CFAP299: variants seen among roughly 807,000 people sequenced by gnomAD.
CFAP299 encodes cilia- and flagella-associated protein 299.
In CFAP299, 21 loss-of-function variants were observed where a neutral mutation model predicts 27.0. The ratio of observed to expected loss-of-function variants is 0.78; its 90% confidence interval spans 0.55 to 1.12. The LOEUF (loss-of-function observed/expected upper bound fraction) is 1.12. Ranked by LOEUF, CFAP299 falls within the 50% of genes most tolerant of loss-of-function variation. The pLI, the probability that CFAP299 is intolerant of heterozygous loss-of-function variation, is 0.00. For synonymous variants in CFAP299, 104 were observed against 98.1 expected, an observed-to-expected ratio of 1.06 and a Z score of -0.36; for missense variants, 310 against 276.6, an observed-to-expected ratio of 1.12 and a Z score of -0.86.
rs1728203088 is a variant in CFAP299, at chr4:80,799,678, T to TTTTATATATTATATA, written c.334-70313_334-70312insTATATATTATATATT. Among the ~76,000 whole-genome samples, 80 of 25,324 alleles carry TTTTATATATTATATA rather than the reference T, an allele frequency of 3.2e-3. 12 individuals carry two copies. The highest frequency in any genetic ancestry group is 6.5e-3 in the East Asian group (2 of 308). The allele number at this position is 25,324 out of a possible 152,430, so 16.6% of individuals were successfully genotyped here. A position where few individuals can be genotyped will look rare whatever the true frequency, so the allele number is the denominator to read the frequency against. ...ATATATTATATTTTATAAATATATA[T>TTTTATATATTATATA]TTATAAATATATAATATATAAAATA... On this transcript the variant is annotated intron_variant, in intron 3 of 5. Transcript: ENST00000358105.
chr4:80,871,439 G>T, intron 4 of CFAP299: 2 of 985,378 alleles, frequency 2.0e-6, no homozygotes, highest in Non-Finnish European at 2.4e-6. Flanking sequence ...ACTGTGGATT[G>T]CTGTGCTAAT....
At chr4:80,693,215 A>T (rs1050648610) in intron 3 of CFAP299, among the ~76,000 whole-genome samples, 1 of 152,178 alleles carries the variant, frequency 6.6e-6, no homozygotes, top group African/African-American at 2.4e-5. Context: ...CCAAAGGACT[A>T]TAAATCATGC....
At chr4:80,451,066 CA>C (rs1190331434) in intron 2 of CFAP299, among the ~76,000 whole-genome samples, 2 of 152,054 alleles carry the variant, frequency 1.3e-5, no homozygotes, top group Non-Finnish European at 2.9e-5. Flanking sequence ...GGACTGCCAA[CA>C]AAATCTCACA....
At chr4:80,727,690 A>C (rs975466142) in intron 3 of CFAP299, among the ~76,000 whole-genome samples, 1 of 152,046 alleles carries the variant, frequency 6.6e-6, no homozygotes, top group Non-Finnish European at 1.5e-5. Flanking sequence ...AATGATATCT[A>C]TTAACTTTTG....
At chr4:80,480,074 AC>A (rs1730477260) in intron 2 of CFAP299, among the ~76,000 whole-genome samples, 1 of 151,932 alleles carries the variant, frequency 6.6e-6, no homozygotes, top group African/African-American at 2.4e-5. Flanking sequence ...TTCCTTATGT[AC>A]CAGTGCATTT....
intron 3 of CFAP299, among the ~76,000 whole-genome samples, chr4:80,614,458 C>T (rs1700185082): frequency 2.6e-5 from 4 of 152,144 alleles, no homozygotes; most frequent in Admixed American, 2.0e-4. Context: ...TAATAGGCAT[C>T]ACAAATACTG....
the CFAP299 span, among the ~76,000 whole-genome samples, chr4:80,327,026 A>G: frequency 1.9e-4 from 29 of 152,298 alleles, no homozygotes; most frequent in South Asian, 4.1e-4. Context: ...AGTAGTGATC[A>G]CTAGGCAGAC....
chr4:80,582,259 G>T (rs1235797730), intron 2 of CFAP299, among the ~76,000 whole-genome samples: 1 of 151,486 alleles, frequency 6.6e-6, no homozygotes, highest in Admixed American at 6.6e-5. Context: ...TCTGATACTC[G>T]GTCTATATCT....
intron 2 of CFAP299, among the ~76,000 whole-genome samples, chr4:80,562,693 T>TAACAAC (rs1553934468): frequency 7.8e-6 from 1 of 128,620 alleles, no homozygotes; most frequent in Non-Finnish European, 1.6e-5. Context: ...ATAATAATAA[T>TAACAAC]AACAACAACA....
chr4:80,701,405 A>G (rs1197347036), intron 3 of CFAP299, among the ~76,000 whole-genome samples: 1 of 152,066 alleles, frequency 6.6e-6, no homozygotes, highest in East Asian at 1.9e-4. Context: ...TTTTTCAAAA[A>G]TAGCTAAATG....
intron 4 of CFAP299, among the ~76,000 whole-genome samples, chr4:80,908,048 A>G (rs1390156941): frequency 6.6e-5 from 10 of 152,308 alleles, no homozygotes; most frequent in African/African-American, 2.2e-4. Context: ...CATTCTTTTC[A>G]ACCTGAGATT....
chr4:80,800,147 AT>A (rs1276390544), intron 3 of CFAP299, among the ~76,000 whole-genome samples: 2 of 60,440 alleles, frequency 3.3e-5, no homozygotes, highest in Non-Finnish European at 5.2e-5. Flanking sequence ...ATATAAATAT[AT>A]TTATATAATA....
intron 3 of CFAP299, among the ~76,000 whole-genome samples, chr4:80,846,976 C>T (rs1731218474): frequency 6.6e-6 from 1 of 152,144 alleles, no homozygotes; most frequent in Non-Finnish European, 1.5e-5. Flanking sequence ...AAGAACAATG[C>T]CCTTTAGTGA....
intron 3 of CFAP299, among the ~76,000 whole-genome samples, chr4:80,635,411 G>T (rs1013570651): frequency 1.4e-4 from 21 of 151,980 alleles, no homozygotes; most frequent in Admixed American, 7.2e-4. Flanking sequence ...CTTCCTTCTT[G>T]CTATAGCTGT....
chr4:80,706,428 T>TG (rs1228722160), intron 3 of CFAP299, among the ~76,000 whole-genome samples: 1 of 151,808 alleles, frequency 6.6e-6, no homozygotes, highest in African/African-American at 2.4e-5. Context: ...AATGGTTTTT[T>TG]GGGGGGTAAA....
intron 3 of CFAP299, among the ~76,000 whole-genome samples, chr4:80,783,419 A>T (rs1014476933): frequency 1.3e-5 from 2 of 152,170 alleles, no homozygotes; most frequent in Admixed American, 6.6e-5. Context: ...GAGAAAATTA[A>T]GGCTTAGAAT....
In CFAP299 at chr4:80,730,278, GTA is replaced by G. The variant is rs57000466; in HGVS notation, c.334-139713_334-139712del. Among the ~76,000 whole-genome samples, 549 of 144,890 alleles carry G rather than the reference GTA, an allele frequency of 3.8e-3. 3 individuals are homozygous for G. The highest frequency in any genetic ancestry group is 9.7e-3 in the Admixed American group (142 of 14,672). On this transcript the variant is annotated intron_variant, in intron 3 of 5. Transcript: ENST00000358105. ...TGTGTGTGTGTGTGTGTGTGTGTGT[GTA>G]TGTGTGTGTGTGTGTGTGTATGACC...
chr4:80,350,200 G>A (rs919707271), intron 1 of CFAP299, among the ~76,000 whole-genome samples: 6 of 151,950 alleles, frequency 3.9e-5, no homozygotes, highest in African/African-American at 1.5e-4. Context: ...TATTTTAAAC[G>A]GTAATAGCTA....
chr4:80,499,372 G>A (rs1017889779), intron 2 of CFAP299, among the ~76,000 whole-genome samples: 1 of 151,816 alleles, frequency 6.6e-6, no homozygotes, highest in African/African-American at 2.4e-5. Context: ...TTTTTTATTG[G>A]GTACTTTATT....
Sources: gnomAD v4.1 joint callset for allele counts (sites outside exome capture counted in the v4.1 genomes callset) on GRCh38, gnomAD v4.1.1 for gene constraint, MANE v1.5 for transcripts, NCBI Gene and HGNC (gene_info 2026-07-23, HGNC 2026-07-21) for gene names.